VAMP7: variants seen among roughly 807,000 people sequenced by gnomAD.
VAMP7 encodes vesicle associated membrane protein 7, also known as vesicle-associated membrane protein 7.
In VAMP7, 14 loss-of-function variants were observed where a neutral mutation model predicts 29.6. That is an observed-to-expected ratio of 0.47 (90% CI 0.31 to 0.74). VAMP7 has a LOEUF of 0.74. VAMP7 is among the 30% of genes least tolerant of loss of function. VAMP7 has a pLI of 0.05. For missense variants in VAMP7, 223 were observed against 262.4 expected (o/e 0.85, Z 1.04); for synonymous variants, 95 against 88.1 (o/e 1.08, Z -0.44).
chrX:155,918,718 T>A (rs1478415858), intron 5 of VAMP7, among the ~76,000 whole-genome samples: 1 of 152,182 alleles, frequency 6.6e-6, no homozygotes, highest in Non-Finnish European at 1.5e-5. Flanking sequence ...TGCATTGATT[T>A]CACTGGGAGC....
chrX:155,921,539 A>G (rs1476418246), intron 6 of VAMP7, among the ~76,000 whole-genome samples: 2 of 151,906 alleles, frequency 1.3e-5, no homozygotes, highest in Admixed American at 1.3e-4. Flanking sequence ...CACGTTTTTT[A>G]TTATAGTAAT....
chrX:155,884,740 T>A (rs2065846413), intron 1 of VAMP7, among the ~76,000 whole-genome samples: 1 of 152,198 alleles, frequency 6.6e-6, no homozygotes, highest in African/African-American at 2.4e-5. Flanking sequence ...TCTTATACAT[T>A]TTTCAGTGTT....
At chrX:155,902,737 T>A (rs1451814125) in intron 5 of VAMP7, among the ~76,000 whole-genome samples, 2,705 of 151,566 alleles carry the variant, frequency 0.018, 78 homozygotes, top group African/African-American at 0.062. Flanking sequence ...TCATGGTGGA[T>A]AAGCTTTTTG....
chrX:155,931,660 G>A (rs1194742003), intron 6 of VAMP7, among the ~76,000 whole-genome samples: 1 of 152,098 alleles, frequency 6.6e-6, no homozygotes, highest in Non-Finnish European at 1.5e-5. Context: ...CACTCTGTAG[G>A]TTGCCTGTTC....
chrX:155,934,136 G>A (rs1456350333), intron 6 of VAMP7, among the ~76,000 whole-genome samples: 69 of 152,068 alleles, frequency 4.5e-4, no homozygotes, highest in Non-Finnish European at 9.6e-4. Context: ...GGTCAATTTT[G>A]GAATAAGTGC....
Position 155,939,812 on chromosome X carries a change from A to C in VAMP7, c.594+19A>C, listed in dbSNP as rs774378680. The stretch of plus-strand genomic sequence containing the variant: ...ATCAATTGTAAGTTTTTGTCCTTTT[A>C]GTGTATGGCTTTATTTTTCAATCTC... On this transcript the variant is annotated intron_variant, in intron 7 of 7. Coordinates refer to ENST00000286448, the MANE Select transcript of VAMP7 (RefSeq NM_005638.6). 6.4e-7 allele frequency: 1 copy of C among 1,567,234 alleles called. No homozygotes were observed. The highest frequency in any genetic ancestry group is 8.8e-7 in the Non-Finnish European group (1 of 1,137,858).
intron 2 of VAMP7, among the ~76,000 whole-genome samples, chrX:155,893,712 CG>C (rs2065952260): frequency 6.6e-6 from 1 of 152,172 alleles, no homozygotes; most frequent in South Asian, 2.1e-4. Flanking sequence ...AATCCCATCA[CG>C]AGGACCCCAC....
chrX:155,913,672 C>G (rs191597747), intron 5 of VAMP7, among the ~76,000 whole-genome samples: 136 of 152,232 alleles, frequency 8.9e-4, no homozygotes, highest in Non-Finnish European at 1.6e-3. Context: ...TGTCAAAGAT[C>G]AGATGGTTGT....
chrX:155,894,947 G>A (rs952738209), intron 2 of VAMP7, among the ~76,000 whole-genome samples: 7 of 152,028 alleles, frequency 4.6e-5, no homozygotes, highest in African/African-American at 1.2e-4. Flanking sequence ...CTTGCCATCT[G>A]TTACTTATTC....
In VAMP7 at chrX:155,933,243, A is replaced by G. The variant is rs137917853; in HGVS notation, c.502-6458A>G. On this transcript the variant is annotated intron_variant, in intron 6 of 7. Transcript: ENST00000286448. The stretch of plus-strand genomic sequence containing the variant: ...AAAATGAGTTAGGGAGGATTCCCTC[A>G]TTTTCTATTGATAGGAATAGTTTCA... 6.6e-3 allele frequency among the ~76,000 whole-genome samples: 1,007 copies of G among 152,064 alleles called. 7 individuals are homozygous for G. Among genetic ancestry groups the G allele is most frequent in the Middle Eastern group, 0.051 (15 of 292 alleles).
At chrX:155,902,817 G>T (rs1477623677) in intron 5 of VAMP7, among the ~76,000 whole-genome samples, 1 of 149,540 alleles carries the variant, frequency 6.7e-6, no homozygotes, top group Non-Finnish European at 1.5e-5. Flanking sequence ...CAAGGATATT[G>T]GTCTAAAATT....
intron 7 of VAMP7, 36 bp from the exon 8 acceptor site, chrX:155,941,847 T>C (rs751633839): frequency 6.2e-7 from 1 of 1,603,702 alleles, no homozygotes; most frequent in Non-Finnish European, 8.5e-7. Context: ...ATATGATTGA[T>C]TCAAGAAAAT....
intron 1 of VAMP7, among the ~76,000 whole-genome samples, chrX:155,886,264 A>G (rs1413855171): frequency 6.6e-6 from 1 of 152,170 alleles, no homozygotes; most frequent in Non-Finnish European, 1.5e-5. Flanking sequence ...CCCAATACTC[A>G]TCAAGACGTT....
intron 6 of VAMP7, among the ~76,000 whole-genome samples, chrX:155,931,741 G>C (rs1346083580): frequency 6.6e-6 from 1 of 152,024 alleles, no homozygotes; most frequent in Non-Finnish European, 1.5e-5. Context: ...TTTGGCTTTT[G>C]TTTCCATTGT....
Position 155,942,093 on chromosome X carries a change from A to G in VAMP7, c.*142A>G, listed in dbSNP as rs1281355654. ...TTCTCACTTTTTAAAATCTTGTTCC[A>G]TGCCTCCAGGTTTATCTTTGTCTTA... On this transcript the variant is annotated 3_prime_UTR_variant, in exon 8 of 8. Transcript: ENST00000286448. 1.3e-6 allele frequency: 2 copies of G among 1,558,126 alleles called. No homozygotes were observed. Among genetic ancestry groups the G allele is most frequent in the African/African-American group, 1.4e-5 (1 of 73,232 alleles).
chrX:155,885,153 A>G (rs2065850438), intron 1 of VAMP7, among the ~76,000 whole-genome samples: 2 of 152,316 alleles, frequency 1.3e-5, no homozygotes, highest in South Asian at 4.1e-4. Flanking sequence ...GAATTCCCTT[A>G]TAGCATATCT....
intron 5 of VAMP7, among the ~76,000 whole-genome samples, chrX:155,902,960 G>T (rs2066088673): frequency 6.6e-6 from 1 of 151,638 alleles, no homozygotes; most frequent in Non-Finnish European, 1.5e-5. Flanking sequence ...GTTCCTCCTT[G>T]TACCTCTGGT....
At chrX:155,920,787 G>C (rs1431729086) in intron 6 of VAMP7, among the ~76,000 whole-genome samples, 5 of 152,144 alleles carry the variant, frequency 3.3e-5, no homozygotes, top group Non-Finnish European at 7.4e-5. Flanking sequence ...GCCTAACACA[G>C]TATTTGATAC....
At chrX:155,884,829 C>G (rs1426155003) in intron 1 of VAMP7, among the ~76,000 whole-genome samples, 3 of 152,200 alleles carry the variant, frequency 2.0e-5, no homozygotes, top group Non-Finnish European at 2.9e-5. Flanking sequence ...TTACCTGAAA[C>G]TGTCTTCAGC....
Sources: allele counts gnomAD v4.1 joint callset (sites outside exome capture counted in the v4.1 genomes callset), GRCh38; gene constraint gnomAD v4.1.1; transcripts MANE v1.5; gene names NCBI Gene and HGNC (gene_info 2026-07-23, HGNC 2026-07-21).